The following KIDINS220 variants were observed in gnomAD, a reference collection of about 807,000 sequenced individuals.
KIDINS220 encodes kinase D-interacting substrate of 220 kDa.
A neutral mutation model predicts 157.6 loss-of-function variants in KIDINS220; 63 were observed. The ratio of observed to expected loss-of-function variants is 0.40; its 90% CI spans 0.33 to 0.49. KIDINS220 has a LOEUF of 0.49. Ranked by LOEUF, KIDINS220 falls within the 20% of genes least tolerant of loss-of-function variation. The pLI, the probability that KIDINS220 is intolerant of heterozygous loss-of-function variation, is 0.66. For missense variants in KIDINS220, 1,772 were observed against 2,171.2 expected, an observed-to-expected ratio of 0.82 and a Z score of 3.65; for synonymous variants, 732 against 783.6, an observed-to-expected ratio of 0.93 and a Z score of 1.10.
At chr2:8,781,805 A>G (rs965981374) in intron 17 of KIDINS220, among the ~76,000 whole-genome samples, 1 of 152,260 alleles carries the variant, frequency 6.6e-6, no homozygotes, top group Admixed American at 6.5e-5. Flanking sequence ...GAATGCATAT[A>G]TTCGTAAAGA....
Position 8,730,055 on chromosome 2 carries a change from A to G in KIDINS220, c.*665T>C. The G allele has an allele frequency of 1.0e-6, 1 of 985,468 alleles. No individual in the cohort carries two copies. Among genetic ancestry groups the G allele is most frequent in the Non-Finnish European group, 1.2e-6 (1 of 829,980 alleles). The allele number at this position is 985,468 out of a possible 1,614,324, so 61.0% of individuals were successfully genotyped here. A position where few individuals can be genotyped will look rare whatever the true frequency, so the allele number is the denominator to read the frequency against. Reference sequence around the variant, plus strand: ...GACATATAAACCCACGGAGGTCACCAGCCCTCCCCGCATCTACTCTCCTAA... The same window carrying G: ...GACATATAAACCCACGGAGGTCACCGGCCCTCCCCGCATCTACTCTCCTAA... On this transcript the variant is annotated 3_prime_UTR_variant, in exon 30 of 30. Transcript: ENST00000256707.
intron 29 of KIDINS220, among the ~76,000 whole-genome samples, chr2:8,732,409 T>G (rs1664250034): frequency 6.6e-6 from 1 of 152,246 alleles, no homozygotes; most frequent in South Asian, 2.1e-4. Flanking sequence ...AGCACTTGTT[T>G]TTATAACTTC....
intron 22 of KIDINS220, chr2:8,757,457 T>C (rs1668152540): frequency 7.5e-7 from 1 of 1,341,204 alleles, no homozygotes; most frequent in Non-Finnish European, 9.6e-7. Context: ...CTTGATTGTT[T>C]CCAAAGGGAT....
At chr2:8,819,342 C>A (rs1677561186) in intron 2 of KIDINS220, among the ~76,000 whole-genome samples, 1 of 152,000 alleles carries the variant, frequency 6.6e-6, no homozygotes, top group African/African-American at 2.4e-5. Flanking sequence ...AATCAGTGTC[C>A]CAGCCTTTGT....
chr2:8,770,025 A>T (rs1669972453), intron 22 of KIDINS220, among the ~76,000 whole-genome samples: 1 of 152,224 alleles, frequency 6.6e-6, no homozygotes. Context: ...TACATAAAAA[A>T]TAGGAACTAG....
chr2:8,780,522 G>C (rs377004343), intron 17 of KIDINS220, among the ~76,000 whole-genome samples: 2 of 9,630 alleles, frequency 2.1e-4, no homozygotes, highest in African/African-American at 3.6e-3. Context: ...GTGTGTGTCT[G>C]TGTGTGTGTG....
chr2:8,777,489 G>C lies in KIDINS220; in HGVS notation c.2704-597C>G, dbSNP rs148896238. Among the ~76,000 whole-genome samples, 58 of 152,190 alleles carry C rather than the reference G, an allele frequency of 3.8e-4. No individual in the cohort carries two copies. In the East Asian group the frequency reaches 9.8e-3, roughly 26 times the overall value. The stretch of plus-strand genomic sequence containing the variant: ...AATGTGTTTATTTCTATTTTATGTA[G>C]AGGGTGTCACTATGTTGCCCGGGCT... On this transcript the variant is annotated intron_variant, in intron 20 of 29. Transcript: ENST00000256707.
intron 20 of KIDINS220, among the ~76,000 whole-genome samples, chr2:8,778,007 A>T (rs1671201898): frequency 6.6e-6 from 1 of 152,208 alleles, no homozygotes; most frequent in Non-Finnish European, 1.5e-5. Context: ...ACATAATGCC[A>T]ATACTAGCCC....
rs1386740818 is a variant in KIDINS220 at position 8,733,454 on chromosome 2, A to C, written c.4043T>G (p.Leu1348Arg). Residue 1348 changes from leucine to arginine, a missense_variant, in exon 29 of 30, where the codon CTA becomes CGA. Transcript: ENST00000256707. Reference sequence around the variant, plus strand: ...CCATTCAATAAATACCTGCCAACTTAGATTACTGTGACGAGGGGCACCTTC... The same window carrying C: ...CCATTCAATAAATACCTGCCAACTTCGATTACTGTGACGAGGGGCACCTTC... ...LDEGAPRHSNLSWQSQTRRTP... is the reference protein window; with the variant it reads ...LDEGAPRHSNRSWQSQTRRTP... The C allele has an allele frequency of 5.0e-6, 8 of 1,612,916 alleles. No individual in the cohort carries two copies. The highest frequency in any genetic ancestry group is 6.8e-6 in the Non-Finnish European group (8 of 1,179,264).
At chr2:8,757,565 G>GC in intron 22 of KIDINS220, 1 of 1,514,608 alleles carries the variant, frequency 6.6e-7, no homozygotes, top group East Asian at 2.4e-5. Context: ...ATGAAGGCCA[G>GC]TACCTCTGGT....
intron 1 of KIDINS220, among the ~76,000 whole-genome samples, chr2:8,833,424 C>T (rs943992382): frequency 1.3e-5 from 2 of 150,292 alleles, no homozygotes; most frequent in Admixed American, 6.6e-5. Flanking sequence ...TTTTTTATTC[C>T]TTCATAACAC....
Position 8,806,264 on chromosome 2 carries a change from T to C in KIDINS220, c.603+7A>G, listed in dbSNP as rs761050619. ...TATTGCCAAGCATTAAAATATAAGA[T>C]ACTTACAGCTCCTTCTTGATCCACA... On this transcript the variant is annotated splice_region_variant and intron_variant, in intron 7 of 29. Transcript: ENST00000256707. The C allele has an allele frequency of 1.3e-6, 2 of 1,568,506 alleles. No individual in the cohort carries two copies. The highest frequency in any genetic ancestry group is 1.2e-5 in the South Asian group (1 of 84,820).
intron 1 of KIDINS220, among the ~76,000 whole-genome samples, chr2:8,832,060 C>T (rs1181459098): frequency 6.6e-6 from 1 of 152,154 alleles, no homozygotes; most frequent in African/African-American, 2.4e-5. Context: ...GCAGAATTCC[C>T]ACTCCTCCTT....
chr2:8,787,657 C>T (rs1235327817), intron 15 of KIDINS220, among the ~76,000 whole-genome samples: 1 of 152,004 alleles, frequency 6.6e-6, no homozygotes, highest in Admixed American at 6.5e-5. Context: ...TGAGCCACCA[C>T]ATCTGGCTTA....
intron 17 of KIDINS220, 133 bp downstream of exon 17, chr2:8,785,608 T>G: frequency 2.5e-6 from 2 of 811,836 alleles, no homozygotes; most frequent in South Asian, 3.7e-5. Flanking sequence ...AACGAATGAA[T>G]GAATGAACAA....
In KIDINS220 at chr2:8,818,723, T is replaced by C; in HGVS notation, c.179A>G (p.Asn60Ser). 1 of 1,602,442 alleles carries C rather than the reference T, an allele frequency of 6.2e-7. No individual in the cohort carries two copies. Among genetic ancestry groups the C allele is most frequent in the Non-Finnish European group, 8.5e-7 (1 of 1,170,598 alleles). Residue 60 changes from asparagine (N) to serine (S), a missense_variant, in exon 3 of 30, where the codon AAT (asparagine) becomes AGT (serine). By Grantham distance (46) the Asn-to-Ser change is conservative. Coordinates refer to ENST00000256707, the MANE Select transcript of KIDINS220 (RefSeq NM_020738.4). ...NLEIVKELIK[N>S]GANCNLEDLD... ...ATCTTCCAGATTGCAGTTAGCTCCATTCTTAATTAATTCCTTCACTATTTC... is the reference window on the plus strand; with the variant it reads ...ATCTTCCAGATTGCAGTTAGCTCCACTCTTAATTAATTCCTTCACTATTTC...
At chr2:8,738,966 C>G (rs988861475) in intron 26 of KIDINS220, among the ~76,000 whole-genome samples, 1 of 152,076 alleles carries the variant, frequency 6.6e-6, no homozygotes. Context: ...TCAAAAATCC[C>G]GAAATCTCTC....
intron 20 of KIDINS220, among the ~76,000 whole-genome samples, chr2:8,778,148 C>G (rs1572616738): frequency 6.6e-6 from 1 of 152,120 alleles, no homozygotes; most frequent in African/African-American, 2.4e-5. Flanking sequence ...TCAGGGACAA[C>G]CAATGTTTTG....
chr2:8,777,158 A>G (rs932962927), intron 20 of KIDINS220, among the ~76,000 whole-genome samples: 4 of 152,220 alleles, frequency 2.6e-5, no homozygotes, highest in African/African-American at 9.6e-5. Context: ...AGGAAGCTCA[A>G]TGCTTTTAAG....
Sources: allele counts gnomAD v4.1 joint callset (sites outside exome capture counted in the v4.1 genomes callset), GRCh38; gene constraint gnomAD v4.1.1; transcripts MANE v1.5; gene names NCBI Gene and HGNC (gene_info 2026-07-23, HGNC 2026-07-21).